The following DNAJC5B variants were observed in gnomAD, a reference collection of about 807,000 sequenced individuals.
DNAJC5B encodes the protein DnaJ heat shock protein family (Hsp40) member C5 beta.
DNAJC5B carries 23 observed loss-of-function variants against 24.7 expected under a neutral mutation model. That is an observed-to-expected ratio of 0.93 (90% CI 0.67 to 1.32). The LOEUF is 1.32. DNAJC5B is among the 40% of genes most tolerant of loss of function. The pLI, the probability that DNAJC5B is intolerant of heterozygous loss-of-function variation, is 0.00. For missense variants in DNAJC5B, 238 were observed against 240.8 expected, an observed-to-expected ratio of 0.99 and a Z score of 0.08; for synonymous variants, 101 against 90.1, an observed-to-expected ratio of 1.12 and a Z score of -0.68.
intron 3 of DNAJC5B, among the ~76,000 whole-genome samples, chr8:66,056,308 T>C (rs115295169): frequency 2.0e-3 from 310 of 152,224 alleles, no homozygotes; most frequent in African/African-American, 7.1e-3. Context: ...GGGGCACCAA[T>C]TGAAAGCTCC....
In DNAJC5B at chr8:66,083,007, T is replaced by TC. The variant is rs1258594516; in HGVS notation, c.505+2459_505+2460insC. Among the ~76,000 whole-genome samples the TC allele has an allele frequency of 5.1e-3, 637 of 125,884 alleles. 3 individuals carry two copies. The highest frequency in any genetic ancestry group is 0.011 in the Middle Eastern group (3 of 264). 82.6% of individuals were successfully genotyped at this position (125,884 alleles called of 152,430 possible). On this transcript the variant is annotated intron_variant, in intron 5 of 5. Coordinates refer to ENST00000276570, the MANE Select transcript of DNAJC5B (RefSeq NM_033105.6). ...TGTAATATTTTCTTTTCTTTTCTTT[T>TC]TTTTTTTTTTTTTTTTTTTTGAGAT... is the stretch of plus-strand genomic sequence containing the variant.
At chr8:66,060,014 A>G (rs907644958) in intron 3 of DNAJC5B, among the ~76,000 whole-genome samples, 1 of 152,210 alleles carries the variant, frequency 6.6e-6, no homozygotes, top group African/African-American at 2.4e-5. Flanking sequence ...TACCTCTGGC[A>G]GGATTGAGGC....
intron 3 of DNAJC5B, among the ~76,000 whole-genome samples, chr8:66,066,192 C>T (rs796727140): frequency 6.6e-6 from 1 of 152,172 alleles, no homozygotes; most frequent in Non-Finnish European, 1.5e-5. Flanking sequence ...TCGCCTTACT[C>T]CTGCAAGAAT....
intron 2 of DNAJC5B, among the ~76,000 whole-genome samples, chr8:66,044,012 A>G (rs1384923964): frequency 7.9e-5 from 12 of 152,016 alleles, no homozygotes; most frequent in South Asian, 4.2e-4. Flanking sequence ...TAGTAGAGAC[A>G]GGGTTTCACC....
At chr8:66,073,746 T>C (rs911079873) in intron 3 of DNAJC5B, among the ~76,000 whole-genome samples, 2 of 152,178 alleles carry the variant, frequency 1.3e-5, no homozygotes, top group Non-Finnish European at 2.9e-5. Context: ...CTTTTCCTAA[T>C]AAATGGTGCT....
At chr8:66,058,348 T>C (rs1338851911) in intron 3 of DNAJC5B, among the ~76,000 whole-genome samples, 1 of 152,196 alleles carries the variant, frequency 6.6e-6, no homozygotes, top group East Asian at 1.9e-4. Flanking sequence ...GAAAGGTAGA[T>C]AGAGGTGGGG....
chr8:66,037,379 C>T (rs914851234), intron 1 of DNAJC5B, among the ~76,000 whole-genome samples: 4 of 152,138 alleles, frequency 2.6e-5, no homozygotes, highest in Non-Finnish European at 5.9e-5. Context: ...GTGCTGGGGG[C>T]TCTGTGAAGG....
At chr8:66,074,401 T>TA (rs1807416686) in intron 3 of DNAJC5B, among the ~76,000 whole-genome samples, 1 of 152,268 alleles carries the variant, frequency 6.6e-6, no homozygotes, top group South Asian at 2.1e-4. Flanking sequence ...TAATTATAAC[T>TA]ATAAACCACA....
chr8:66,076,630 A>ACT, intron 3 of DNAJC5B, 30 bp from the exon 4 acceptor site: 4 of 1,610,538 alleles, frequency 2.5e-6, no homozygotes, highest in Non-Finnish European at 3.4e-6. Flanking sequence ...CAAATAACAC[A>ACT]CTCTCCTTGT....
Position 66,080,565 on chromosome 8 carries a change from G to A in DNAJC5B, c.505+17G>A, listed in dbSNP as rs1470756191. 1.5e-5 allele frequency: 23 copies of A among 1,582,042 alleles called. No homozygotes were observed. Among genetic ancestry groups the A allele is most frequent in the Non-Finnish European group, 1.7e-5 (20 of 1,163,458 alleles). On this transcript the variant is annotated intron_variant, in intron 5 of 5. Coordinates refer to ENST00000276570, the MANE Select transcript of DNAJC5B (RefSeq NM_033105.6). ...TGGAAAAAGGTGGGGTAGGATGAGA[G>A]CAGAGGTAGTGAGTGTCCATTCATA...
chr8:66,020,715 G>T (rs1806096269), upstream of DNAJC5B, among the ~76,000 whole-genome samples: 1 of 151,374 alleles, frequency 6.6e-6, no homozygotes, highest in Admixed American at 6.6e-5. Context: ...TCAACTCATT[G>T]CAGCTTCGAT....
intron 1 of DNAJC5B, among the ~76,000 whole-genome samples, chr8:66,041,217 T>G (rs1456120494): frequency 6.6e-6 from 1 of 152,210 alleles, no homozygotes. Flanking sequence ...CTAAAAATAA[T>G]AATATTAGTA....
intron 2 of DNAJC5B, among the ~76,000 whole-genome samples, chr8:66,048,261 T>C (rs1277573856): frequency 2.0e-5 from 3 of 152,180 alleles, no homozygotes; most frequent in Non-Finnish European, 2.9e-5. Context: ...AAATGTTTTC[T>C]GAAATGACTC....
At chr8:66,051,104 A>T (rs1806834869) in intron 2 of DNAJC5B, among the ~76,000 whole-genome samples, 1 of 152,234 alleles carries the variant, frequency 6.6e-6, no homozygotes, top group Admixed American at 6.5e-5. Flanking sequence ...AATTTGGACA[A>T]CATCCCCCAG....
At chr8:66,057,680 C>T (rs1806995855) in intron 3 of DNAJC5B, 1 of 152,094 alleles carries the variant, frequency 6.6e-6, no homozygotes, top group African/African-American at 2.4e-5. Context: ...TGAAAGCAGC[C>T]AGGGAGAAAC....
chr8:66,066,601 C>T (rs968560433), intron 3 of DNAJC5B, among the ~76,000 whole-genome samples: 2 of 152,078 alleles, frequency 1.3e-5, no homozygotes, highest in Non-Finnish European at 2.9e-5. Context: ...GAGCTGGAGG[C>T]CATTATTCTA....
intron 3 of DNAJC5B, among the ~76,000 whole-genome samples, chr8:66,072,363 A>T (rs1807369541): frequency 6.6e-6 from 1 of 152,240 alleles, no homozygotes; most frequent in Non-Finnish European, 1.5e-5. Context: ...ATAAATCAAT[A>T]AAATGGCTAA....
intron 1 of DNAJC5B, among the ~76,000 whole-genome samples, chr8:66,034,150 G>A (rs1806425506): frequency 6.7e-6 from 1 of 148,390 alleles, no homozygotes; most frequent in South Asian, 2.2e-4. Context: ...TGTTAACAAG[G>A]GAGTATTCTC....
intron 1 of DNAJC5B, among the ~76,000 whole-genome samples, chr8:66,035,323 G>C: frequency 6.6e-6 from 1 of 152,228 alleles, no homozygotes; most frequent in South Asian, 2.1e-4. Flanking sequence ...AAAGAGACAT[G>C]TCCTAATCTC....
Sources: gnomAD v4.1 joint callset for allele counts (sites outside exome capture counted in the v4.1 genomes callset) on GRCh38, gnomAD v4.1.1 for gene constraint, MANE v1.5 for transcripts, NCBI Gene and HGNC (gene_info 2026-07-23, HGNC 2026-07-21) for gene names.